Variants in FER observed in about 807,000 individuals in gnomAD.
FER encodes the protein FER tyrosine kinase.
In FER, 63 loss-of-function variants were observed where a neutral mutation model predicts 111.0. The observed-to-expected ratio is 0.57, with a 90% CI of 0.46 to 0.70. The LOEUF is 0.70. Ranked by LOEUF, FER falls within the 30% of genes least tolerant of loss-of-function variation. The pLI is 0.00. For missense variants in FER, 914 were observed against 954.0 expected (o/e 0.96, Z 0.55); for synonymous variants, 327 against 313.9 (o/e 1.04, Z -0.44).
intron 17 of FER, among the ~76,000 whole-genome samples, chr5:109,164,622 A>G (rs1300729186): frequency 1.3e-5 from 2 of 152,170 alleles, no homozygotes; most frequent in Non-Finnish European, 2.9e-5. Context: ...GCCATTTAGT[A>G]TCATTAACAT....
chr5:108,952,898 G>A (rs1042439538), intron 11 of FER, among the ~76,000 whole-genome samples: 2 of 152,028 alleles, frequency 1.3e-5, no homozygotes, highest in Non-Finnish European at 2.9e-5. Context: ...TGTTTGGGAT[G>A]CTTTCCTGTT....
intron 16 of FER, among the ~76,000 whole-genome samples, chr5:109,059,921 A>C (rs1337121057): frequency 6.6e-6 from 1 of 152,244 alleles, no homozygotes; most frequent in Non-Finnish European, 1.5e-5. Context: ...CAAAAGTAGA[A>C]CCCAAATGTC....
At chr5:108,914,405 G>A (rs1218076716) in intron 10 of FER, among the ~76,000 whole-genome samples, 1 of 152,018 alleles carries the variant, frequency 6.6e-6, no homozygotes, top group Non-Finnish European at 1.5e-5. Context: ...TTTCTTCTAT[G>A]GACTATGTAC....
chr5:109,154,960 C>T (rs1430811647), intron 17 of FER, among the ~76,000 whole-genome samples: 1 of 151,888 alleles, frequency 6.6e-6, no homozygotes, highest in Non-Finnish European at 1.5e-5. Flanking sequence ...CAGAGCATCT[C>T]CATCTCAAGC....
Position 108,844,992 on chromosome 5 carries a change from G to A in FER, c.481+9185G>A, listed in dbSNP as rs200919746. On this transcript the variant is annotated intron_variant, in intron 5 of 19. Coordinates refer to ENST00000281092, the MANE Select transcript of FER (RefSeq NM_005246.4). Reference sequence around the variant, plus strand: ...TGGATTGTTCATTGCTGGTGTGTGTGTGTGTATATATATATATATATATAT... The same window carrying A: ...TGGATTGTTCATTGCTGGTGTGTGTATGTGTATATATATATATATATATAT... Among the ~76,000 whole-genome samples, 39 of 38,268 alleles carry A rather than the reference G, an allele frequency of 1.0e-3. 1 individual carries two copies. Among genetic ancestry groups the A allele is most frequent in the African/African-American group, 3.0e-3 (25 of 8,290 alleles). The allele number at this position is 38,268 out of a possible 152,430, so 25.1% of individuals were successfully genotyped here.
At chr5:108,888,683 A>C (rs1747543252) in intron 9 of FER, among the ~76,000 whole-genome samples, 1 of 151,932 alleles carries the variant, frequency 6.6e-6, no homozygotes, top group African/African-American at 2.4e-5. Flanking sequence ...TGGTATTATA[A>C]ACATAATTGT....
At chr5:109,186,040 T>G (rs1211253992) in intron 18 of FER, among the ~76,000 whole-genome samples, 160 bp from the exon 19 acceptor site, 1 of 152,198 alleles carries the variant, frequency 6.6e-6, no homozygotes, top group African/African-American at 2.4e-5. Context: ...CAATAGGAAT[T>G]TTTTAGCTCC....
At chr5:108,760,529 T>A (rs1751614686) in intron 1 of FER, among the ~76,000 whole-genome samples, 1 of 152,256 alleles carries the variant, frequency 6.6e-6, no homozygotes, top group African/African-American at 2.4e-5. Context: ...ATCAGTGATC[T>A]TGGCTAGAGT....
At chr5:108,848,402 T>C (rs1375340837) in intron 5 of FER, among the ~76,000 whole-genome samples, 1 of 152,234 alleles carries the variant, frequency 6.6e-6, no homozygotes, top group Non-Finnish European at 1.5e-5. Flanking sequence ...TATTTCACTT[T>C]GCCTTTATTC....
chr5:109,035,016 A>C (rs912135624), intron 13 of FER, among the ~76,000 whole-genome samples: 1 of 151,398 alleles, frequency 6.6e-6, no homozygotes, highest in Non-Finnish European at 1.5e-5. Context: ...AGTTCAATGA[A>C]ACACCAAGAA....
At chr5:108,855,318 C>A (rs1437293418) in intron 5 of FER, among the ~76,000 whole-genome samples, 4 of 151,908 alleles carry the variant, frequency 2.6e-5, no homozygotes, top group Admixed American at 6.6e-5. Context: ...AAGAAGTCAG[C>A]GAAATAAAGA....
chr5:109,081,752 T>C (rs1777010262), intron 16 of FER, among the ~76,000 whole-genome samples: 1 of 152,044 alleles, frequency 6.6e-6, no homozygotes, highest in Non-Finnish European at 1.5e-5. Context: ...GATGCTTAAT[T>C]CTCAAGAACT....
In FER at chr5:109,194,763, G is replaced by C. The variant is rs1459314367; in HGVS notation, c.*7188G>C. The C allele has an allele frequency of 6.6e-6, 1 of 152,198 alleles. No homozygotes were observed. Among genetic ancestry groups the C allele is most frequent in the African/African-American group, 2.4e-5 (1 of 41,432 alleles). 9.4% of individuals were successfully genotyped at this position (152,198 alleles called of 1,614,324 possible). The stretch of plus-strand genomic sequence containing the variant: ...AAAATAAATCTCAATTCATACACTG[G>C]AGCAGCAAAAAACTGAGCAGGAAAG... On this transcript the variant is annotated 3_prime_UTR_variant, in exon 20 of 20. Coordinates refer to ENST00000281092, the MANE Select transcript of FER (RefSeq NM_005246.4).
intron 17 of FER, among the ~76,000 whole-genome samples, chr5:109,177,130 T>A (rs1019187079): frequency 6.6e-6 from 1 of 152,220 alleles, no homozygotes; most frequent in Non-Finnish European, 1.5e-5. Context: ...AATAACGTAA[T>A]TCATGTATTT....
intron 9 of FER, among the ~76,000 whole-genome samples, chr5:108,896,914 T>G (rs1263657590): frequency 1.3e-5 from 2 of 152,204 alleles, no homozygotes; most frequent in Non-Finnish European, 2.9e-5. Flanking sequence ...TAATATATAG[T>G]GTGGGCTATT....
rs75635721 is a variant in FER at position 108,811,911 on chromosome 5, T to G, written c.207+13522T>G. On this transcript the variant is annotated intron_variant, in intron 3 of 19. Transcript: ENST00000281092. The stretch of plus-strand genomic sequence containing the variant: ...GGCTGTCAATAGATTCGATAATGCT[T>G]GTCATCGAATCTTCTGGTGGATCTT... Among the ~76,000 whole-genome samples the G allele has an allele frequency of 8.6e-3, 1,303 of 151,994 alleles. 14 individuals are homozygous for G. The highest frequency in any genetic ancestry group is 0.031 in the Middle Eastern group (9 of 290).
chr5:109,048,696 A>G (rs114998420), intron 16 of FER, among the ~76,000 whole-genome samples: 2,961 of 152,282 alleles, frequency 0.019, 50 homozygotes, highest in Non-Finnish European at 0.032. Flanking sequence ...TTGAAAATGA[A>G]ACCTTCTACT....
At chr5:108,854,200 A>T (rs1302052460) in intron 5 of FER, among the ~76,000 whole-genome samples, 1 of 152,222 alleles carries the variant, frequency 6.6e-6, no homozygotes, top group Non-Finnish European at 1.5e-5. Context: ...GTATGTTTTC[A>T]TTTAAAGACA....
At chr5:109,187,297 C>T (rs1004044469) in intron 19 of FER, 136 bp from the exon 20 acceptor site, 6 of 830,598 alleles carry the variant, frequency 7.2e-6, no homozygotes, top group African/African-American at 5.1e-5. Context: ...AACTCAGCCT[C>T]CCCAGAAATG....
Sources: allele counts gnomAD v4.1 joint callset (sites outside exome capture counted in the v4.1 genomes callset), GRCh38; gene constraint gnomAD v4.1.1; transcripts MANE v1.5; gene names NCBI Gene and HGNC (gene_info 2026-07-23, HGNC 2026-07-21).